CNTNAP2: variants seen among roughly 807,000 people sequenced by gnomAD.
CNTNAP2 encodes the protein contactin associated protein 2.
A neutral mutation model predicts 155.2 loss-of-function variants in CNTNAP2; 98 were observed. That is an observed-to-expected ratio of 0.63 (90% confidence interval 0.54 to 0.75). The LOEUF is 0.75. Among genes scored for constraint, CNTNAP2 ranks in the 30% least tolerant of loss-of-function variants. The pLI is 0.00. For missense variants in CNTNAP2, 1,727 were observed against 1,688.1 expected (o/e 1.02, Z -0.40); for synonymous variants, 651 against 631.2 (o/e 1.03, Z -0.47).
chr7:147,586,352 G>A (rs576229217), intron 12 of CNTNAP2, among the ~76,000 whole-genome samples: 31,875 of 114,090 alleles, frequency 0.28, 3,552 homozygotes, highest in Admixed American at 0.36. Context: ...CAAAAGAAAG[G>A]AGGGTATAAG....
intron 8 of CNTNAP2, among the ~76,000 whole-genome samples, chr7:147,164,281 C>T (rs1374770292): frequency 6.6e-6 from 1 of 152,190 alleles, no homozygotes; most frequent in East Asian, 1.9e-4. Context: ...ATAGAGGCTG[C>T]TTATTCATTG....
intron 1 of CNTNAP2, among the ~76,000 whole-genome samples, chr7:146,501,211 T>G (rs139559989): frequency 2.0e-5 from 3 of 152,156 alleles, no homozygotes; most frequent in Non-Finnish European, 4.4e-5. Context: ...ACTTTTGGTA[T>G]GAAGGTATAT....
At chr7:148,124,217 C>T (rs892814971) in intron 16 of CNTNAP2, among the ~76,000 whole-genome samples, 4 of 152,110 alleles carry the variant, frequency 2.6e-5, no homozygotes, top group Non-Finnish European at 4.4e-5. Context: ...CAGCGTAAAC[C>T]GCCCACTAGG....
Position 147,132,266 on chromosome 7 carries a change from G to T in CNTNAP2, c.1105G>T (p.Val369Leu), listed in dbSNP as rs368057493. The T allele has an allele frequency of 4.7e-5, 76 of 1,613,554 alleles. No individual in the cohort carries two copies. The highest frequency in any genetic ancestry group is 6.4e-5 in the Non-Finnish European group (76 of 1,179,746). The change falls in exon 8 of 24, where the codon GTG becomes TTG. Residue 369 changes from valine (V) to leucine (L), a missense_variant. Transcript: ENST00000361727. ...SNVGNLSFSCVEPYTVPVFFN... is the reference protein window; with the variant it reads ...SNVGNLSFSCLEPYTVPVFFN... Reference sequence around the variant, plus strand: ...ACAGGGAAATTTGAGCTTTTCTTGTGTGGAACCCTATACGGTGCCTGTCTT... The same window carrying T: ...ACAGGGAAATTTGAGCTTTTCTTGTTTGGAACCCTATACGGTGCCTGTCTT...
intron 11 of CNTNAP2, among the ~76,000 whole-genome samples, chr7:147,535,493 G>C (rs1392268342): frequency 1.3e-5 from 2 of 152,188 alleles, no homozygotes; most frequent in African/African-American, 4.8e-5. Context: ...AGTGGAAAAA[G>C]ATTTCTAGTT....
chr7:146,447,929 A>T (rs944528074), intron 1 of CNTNAP2, among the ~76,000 whole-genome samples: 1 of 151,998 alleles, frequency 6.6e-6, no homozygotes, highest in Non-Finnish European at 1.5e-5. Context: ...CACATTTGAA[A>T]AAATGGGGAT....
chr7:146,622,151 GTATA>G (rs377635580), intron 1 of CNTNAP2, among the ~76,000 whole-genome samples: 2 of 101,678 alleles, frequency 2.0e-5, no homozygotes, highest in African/African-American at 9.9e-5. Context: ...ATACACACAC[GTATA>G]TATATATACA....
At chr7:146,201,426 A>G (rs1213220068) in intron 1 of CNTNAP2, among the ~76,000 whole-genome samples, 1 of 152,196 alleles carries the variant, frequency 6.6e-6, no homozygotes, top group African/African-American at 2.4e-5. Flanking sequence ...GATTATTGGC[A>G]GCTCCTAATT....
At chr7:146,870,540 A>G (rs1019131266) in intron 3 of CNTNAP2, among the ~76,000 whole-genome samples, 2 of 152,132 alleles carry the variant, frequency 1.3e-5, no homozygotes, top group African/African-American at 4.8e-5. Flanking sequence ...TTTCAATGTG[A>G]ATACTTCTAT....
chr7:146,914,373 T>C (rs1403842649), intron 3 of CNTNAP2, among the ~76,000 whole-genome samples: 1 of 152,134 alleles, frequency 6.6e-6, no homozygotes, highest in East Asian at 1.9e-4. Flanking sequence ...ATCTCCACAC[T>C]GTTTTTCACA....
intron 3 of CNTNAP2, among the ~76,000 whole-genome samples, chr7:146,977,017 G>C (rs1415045315): frequency 6.6e-6 from 1 of 152,102 alleles, no homozygotes; most frequent in African/African-American, 2.4e-5. Context: ...TAAAAGGAAG[G>C]GAGGAGAAAG....
intron 16 of CNTNAP2, among the ~76,000 whole-genome samples, chr7:148,123,624 AAGGGAGAGC>A: frequency 7.1e-6 from 1 of 140,672 alleles, no homozygotes; most frequent in Non-Finnish European, 1.5e-5. Flanking sequence ...GGAGACAAGG[AAGGGAGAGC>A]AGGAAGGAAG....
chr7:148,221,114 T>C (rs186040708), intron 19 of CNTNAP2, among the ~76,000 whole-genome samples: 2 of 152,274 alleles, frequency 1.3e-5, no homozygotes, highest in South Asian at 2.1e-4. Context: ...CTTCATCACC[T>C]GCCACTGCTG....
rs1584739919 is a variant in CNTNAP2 at position 146,945,733 on chromosome 7, A to G, written c.403-98174A>G. Reference sequence around the variant, plus strand: ...TACAATTTACTGCATTCAGCTCCATACTATTAATAATAATGTTGCTGCTTT... The same window carrying G: ...TACAATTTACTGCATTCAGCTCCATGCTATTAATAATAATGTTGCTGCTTT... On this transcript the variant is annotated intron_variant, in intron 3 of 23. Coordinates refer to ENST00000361727, the MANE Select transcript of CNTNAP2 (RefSeq NM_014141.6). Among the ~76,000 whole-genome samples the G allele has an allele frequency of 4.6e-5, 7 of 152,250 alleles. 1 individual carries two copies. The highest frequency in any genetic ancestry group is 3.9e-4 in the Admixed American group (6 of 15,292).
intron 15 of CNTNAP2, among the ~76,000 whole-genome samples, chr7:148,071,973 T>C (rs898723252): frequency 9.2e-5 from 14 of 152,210 alleles, no homozygotes; most frequent in African/African-American, 3.1e-4. Flanking sequence ...TCGTAGCAAA[T>C]AGCTTTACTT....
chr7:148,320,921 C>T (rs548223848), intron 21 of CNTNAP2, among the ~76,000 whole-genome samples: 15 of 152,324 alleles, frequency 9.8e-5, no homozygotes, highest in Non-Finnish European at 1.9e-4. Flanking sequence ...CAAGATACTA[C>T]TTGTCAATGT....
chr7:146,309,829 A>AAAGGAAGG (rs370487767), intron 1 of CNTNAP2, among the ~76,000 whole-genome samples: 3,569 of 148,890 alleles, frequency 0.024, 158 homozygotes, highest in African/African-American at 0.085. Flanking sequence ...AGAAGAAAGG[A>AAAGGAAGG]AAGGAAGGAA....
intron 9 of CNTNAP2, among the ~76,000 whole-genome samples, chr7:147,327,138 T>C (rs1795476075): frequency 6.6e-6 from 1 of 151,714 alleles, no homozygotes; most frequent in African/African-American, 2.4e-5. Context: ...TAGGTTTTTC[T>C]ACTTAAAAAG....
intron 21 of CNTNAP2, among the ~76,000 whole-genome samples, chr7:148,364,917 C>T (rs1798708498): frequency 6.6e-6 from 1 of 152,338 alleles, no homozygotes; most frequent in East Asian, 1.9e-4. Context: ...CTGTAACACT[C>T]ACCGCGAAGG....
Sources: allele counts gnomAD v4.1 joint callset (sites outside exome capture counted in the v4.1 genomes callset), GRCh38; gene constraint gnomAD v4.1.1; transcripts MANE v1.5; gene names NCBI Gene and HGNC (gene_info 2026-07-23, HGNC 2026-07-21).